Variants in TCN2 observed in about 807,000 individuals in gnomAD.
TCN2 encodes the protein transcobalamin-2.
A neutral mutation model predicts 48.6 loss-of-function variants in TCN2; 34 were observed. The ratio of observed to expected loss-of-function variants is 0.70; its 90% CI spans 0.53 to 0.93. TCN2 has a LOEUF of 0.93. Ranked by LOEUF, TCN2 falls within the 40% of genes least tolerant of loss-of-function variation. TCN2 has a pLI of 0.00. For missense variants in TCN2, 652 were observed against 526.1 expected, an observed-to-expected ratio of 1.24 and a Z score of -2.34; for synonymous variants, 283 against 212.5, an observed-to-expected ratio of 1.33 and a Z score of -2.89.
chr22:30,623,185 C>G (rs1602055886), intron 8 of TCN2, 102 bp downstream of exon 8: 1 of 1,098,634 alleles, frequency 9.1e-7, no homozygotes, highest in East Asian at 2.4e-5. Context: ...CCCTCCTGGG[C>G]CACACCTTCA....
Position 30,623,843 on chromosome 22 carries a change from C to CACATATATACACACATGT in TCN2, c.1222+761_1222+762insCATATATACACACATGTA, listed in dbSNP as rs1569046597. Among the ~76,000 whole-genome samples, 10 of 59,394 alleles carry CACATATATACACACATGT rather than the reference C, an allele frequency of 1.7e-4. 4 individuals are homozygous for CACATATATACACACATGT. The highest frequency in any genetic ancestry group is 3.9e-4 in the Admixed American group (2 of 5,102). The allele number at this position is 59,394 out of a possible 152,430, so 39.0% of individuals were successfully genotyped here. A position where few individuals can be genotyped will look rare whatever the true frequency, so the allele number is the denominator to read the frequency against. On this transcript the variant is annotated intron_variant, in intron 8 of 8. Coordinates refer to ENST00000215838, the MANE Select transcript of TCN2 (RefSeq NM_000355.4). ...ACACATACACACACATATACACACA[C>CACATATATACACACATGT]ATACATACACATACATACACACATA...
intron 2 of TCN2, among the ~76,000 whole-genome samples, chr22:30,612,580 TAAA>T (rs984782458): frequency 4.0e-5 from 6 of 151,500 alleles, no homozygotes; most frequent in Non-Finnish European, 7.4e-5. Context: ...AATAAAAAAA[TAAA>T]AAAGGAGGGG....
chr22:30,612,888 G>A lies in TCN2; in HGVS notation c.273G>A (p.Glu91=). 1.2e-6 allele frequency: 2 copies of A among 1,613,920 alleles called. No homozygotes were observed. The highest frequency in any genetic ancestry group is 1.7e-6 in the Non-Finnish European group (2 of 1,180,042). The change falls in exon 3 of 9, where the codon GAG becomes GAA. Residue 91 remains glutamate (E), a synonymous_variant. Transcript: ENST00000215838. ...CTTGTCCTAGGTCTGCCTTCAGCGA[G>A]GATGACGGTGACTGCCAGGGCAAGC... ...QQCLLGSAFS[E]DDGDCQGKPS...
intron 8 of TCN2, chr22:30,623,311 A>G: frequency 1.9e-6 from 1 of 528,848 alleles, no homozygotes; most frequent in Non-Finnish European, 3.4e-6. Context: ...AAAAAAAAAA[A>G]CTAGAAGAAA....
intron 7 of TCN2, chr22:30,617,826 A>C (rs1738167488): frequency 2.5e-6 from 1 of 406,612 alleles, no homozygotes; most frequent in Non-Finnish European, 4.7e-6. Context: ...AGAGTCCAGG[A>C]GTTAGTACAC....
At position 30,614,486 on chromosome 22, in the gene TCN2, G is replaced by T. The variant is rs776417120; in HGVS notation, c.565G>T (p.Gly189Cys). ...LLYAVEPFHQ[G>C]HHSVDTAAMA... is the part of the protein sequence containing the mutation. ...GTATGCTGTGGAACCTTTCCACCAG[G>T]GCCACCATTCTGTGGGTGAGTAGGT... The change falls in exon 4 of 9, where the codon GGC (glycine) becomes TGC (cysteine). Residue 189 changes from glycine (G) to cysteine (C), a missense_variant. Coordinates refer to ENST00000215838, the MANE Select transcript of TCN2 (RefSeq NM_000355.4). The T allele has an allele frequency of 1.9e-6, 3 of 1,614,140 alleles. No homozygotes were observed. The highest frequency in any genetic ancestry group is 2.5e-6 in the Non-Finnish European group (3 of 1,180,020).
At chr22:30,615,953 C>A (rs1418540869) in intron 6 of TCN2, among the ~76,000 whole-genome samples, 166 bp downstream of exon 6, 1 of 152,098 alleles carries the variant, frequency 6.6e-6, no homozygotes, top group African/African-American at 2.4e-5. Context: ...TAGAAGCTCA[C>A]AGTGTGGGGA....
At chr22:30,625,122 G>A (rs941760438) in intron 8 of TCN2, among the ~76,000 whole-genome samples, 3 of 152,190 alleles carry the variant, frequency 2.0e-5, no homozygotes, top group Non-Finnish European at 4.4e-5. Flanking sequence ...GGAGGCTGAG[G>A]CAGGAGAATC....
Position 30,612,550 on chromosome 22 carries a change from C to T in TCN2, c.258-323C>T, listed in dbSNP as rs76222424. ...GGGCAACAAGAGCGAAACTCTGTCT[C>T]AAAGAAAATAAATAAATAAAATAAA... On this transcript the variant is annotated intron_variant, in intron 2 of 8. Coordinates refer to ENST00000215838, the MANE Select transcript of TCN2 (RefSeq NM_000355.4). Among the ~76,000 whole-genome samples, 966 of 151,416 alleles carry T rather than the reference C, an allele frequency of 6.4e-3. 35 individuals are homozygous for T. The highest frequency in any genetic ancestry group is 0.049 in the Admixed American group (741 of 15,166).
chr22:30,610,742 G>A, intron 1 of TCN2, 129 bp from the exon 2 acceptor site: 1 of 899,524 alleles, frequency 1.1e-6, no homozygotes, highest in Non-Finnish European at 1.8e-6. Flanking sequence ...CCCCCTGCAA[G>A]TTGGTGTGTG....
chr22:30,614,125 C>T (rs908484718), intron 3 of TCN2, among the ~76,000 whole-genome samples: 3 of 152,188 alleles, frequency 2.0e-5, no homozygotes, highest in South Asian at 2.1e-4. Context: ...GGTTGAGGCC[C>T]GAACTGCGCA....
rs769584276 is a variant in TCN2, at chr22:30,611,124, G to A, written c.257+61G>A. 4.4e-6 allele frequency: 7 copies of A among 1,607,822 alleles called. No individual in the cohort carries two copies. The African/African-American group carries it at 6.7e-5, about 15-fold the overall frequency. On this transcript the variant is annotated intron_variant, in intron 2 of 8. Coordinates refer to ENST00000215838, the MANE Select transcript of TCN2 (RefSeq NM_000355.4). ...ACATACTAAGAGATGGGAAACTTGG[G>A]TACTAGTTTGGGCCTGTCACCACTT... is the stretch of plus-strand genomic sequence containing the variant.
rs555673422 is a variant in TCN2 at position 30,626,325 on chromosome 22, G to A, written c.1223-135G>A. On this transcript the variant is annotated intron_variant, in intron 8 of 8. Transcript: ENST00000215838. Reference sequence around the variant, plus strand: ...GAGTCTTTGAGCAGGCTTTAGGGAGGTTCCAGCTTCCCACCACCAAGCCCC... The same window carrying A: ...GAGTCTTTGAGCAGGCTTTAGGGAGATTCCAGCTTCCCACCACCAAGCCCC... 7.7e-6 allele frequency: 7 copies of A among 904,618 alleles called. No individual in the cohort carries two copies. In the South Asian group the frequency reaches 9.8e-5, roughly 13 times the overall value. 56.0% of individuals were successfully genotyped at this position (904,618 alleles called of 1,614,324 possible).
chr22:30,619,453 G>A (rs1300843170), intron 7 of TCN2, among the ~76,000 whole-genome samples: 1 of 152,248 alleles, frequency 6.6e-6, no homozygotes, highest in Non-Finnish European at 1.5e-5. Flanking sequence ...GTTGGACAAT[G>A]TCCTTACACT....
chr22:30,613,546 T>C (rs1038872843), intron 3 of TCN2, among the ~76,000 whole-genome samples: 1 of 152,204 alleles, frequency 6.6e-6, no homozygotes, highest in African/African-American at 2.4e-5. Flanking sequence ...CCGAAAGTGC[T>C]GGGATTACAG....
chr22:30,615,155 G>T (rs1387005240), intron 4 of TCN2, 146 bp from the exon 5 acceptor site: 2 of 804,490 alleles, frequency 2.5e-6, no homozygotes, highest in East Asian at 2.6e-5. Context: ...TTGAGTTGGT[G>T]CCCTTAGCTG....
chr22:30,615,897 T>G, intron 6 of TCN2, 110 bp downstream of exon 6: 2 of 1,354,288 alleles, frequency 1.5e-6, no homozygotes, highest in Non-Finnish European at 1.0e-6. Flanking sequence ...AGCACAAGAT[T>G]GTGGGTGTGC....
chr22:30,610,861 CT>C lies in TCN2; in HGVS notation c.65-6del, dbSNP rs748765421. The C allele has an allele frequency of 1.2e-6, 2 of 1,614,026 alleles. No individual in the cohort carries two copies. Among genetic ancestry groups the C allele is most frequent in the African/African-American group, 2.7e-5 (2 of 74,926 alleles). ...CCTGTGACCTCATTTGTACCATTTTCTTTTCTAAGAAATACCAGAGATGGAC... is the reference window on the plus strand; with the variant it reads ...CCTGTGACCTCATTTGTACCATTTTCTTTCTAAGAAATACCAGAGATGGAC... On this transcript the variant is annotated splice_polypyrimidine_tract_variant and intron_variant, in intron 1 of 8. Coordinates refer to ENST00000215838, the MANE Select transcript of TCN2 (RefSeq NM_000355.4).
chr22:30,624,812 C>T (rs1157946762), intron 8 of TCN2, among the ~76,000 whole-genome samples: 2 of 152,198 alleles, frequency 1.3e-5, no homozygotes, highest in Non-Finnish European at 2.9e-5. Context: ...TAAATCACTC[C>T]TCTATCTTCC....
Sources: gnomAD v4.1 joint callset for allele counts (sites outside exome capture counted in the v4.1 genomes callset) on GRCh38, gnomAD v4.1.1 for gene constraint, MANE v1.5 for transcripts, NCBI Gene and HGNC (gene_info 2026-07-23, HGNC 2026-07-21) for gene names.